The following NANP variants were observed in gnomAD, a reference collection of about 807,000 sequenced individuals.
NANP encodes N-acylneuraminate-9-phosphatase.
In NANP, 15 loss-of-function variants were observed where a neutral mutation model predicts 16.9. The observed-to-expected ratio is 0.89, with a 90% CI of 0.59 to 1.37. The LOEUF is 1.37. NANP is among the 40% of genes most tolerant of loss of function. NANP has a pLI of 0.00. For missense variants in NANP, 290 were observed against 303.5 expected, an observed-to-expected ratio of 0.96 and a Z score of 0.33; for synonymous variants, 135 against 112.6, an observed-to-expected ratio of 1.20 and a Z score of -1.26.
At chr20:25,616,664 TGA>T (rs2065345342) in intron 1 of NANP, 83 bp from the exon 2 acceptor site, 4 of 1,112,650 alleles carry the variant, frequency 3.6e-6, no homozygotes, top group Non-Finnish European at 5.0e-6. Context: ...TACAAGTGGC[TGA>T]GAGAGTCCAA....
intron 1 of NANP, among the ~76,000 whole-genome samples, chr20:25,618,701 G>A (rs533064926): frequency 6.0e-4 from 91 of 152,208 alleles, no homozygotes; most frequent in Non-Finnish European, 9.1e-4. Flanking sequence ...AGAAACTGGC[G>A]AATAAATATC....
In NANP at chr20:25,615,809, A is replaced by G; in HGVS notation, c.*116T>C. 9.3e-7 allele frequency: 1 copy of G among 1,077,506 alleles called. No individual in the cohort carries two copies. Among genetic ancestry groups the G allele is most frequent in the Non-Finnish European group, 1.3e-6 (1 of 759,724 alleles). The allele number at this position is 1,077,506 out of a possible 1,614,324, so 66.7% of individuals were successfully genotyped here. The stretch of plus-strand genomic sequence containing the variant: ...AGACCTTCAAAATATTGGCCATTAA[A>G]TCATAAGTAAAATTATTCTTAGAGC... On this transcript the variant is annotated 3_prime_UTR_variant, in exon 2 of 2. Coordinates refer to ENST00000304788, the MANE Select transcript of NANP (RefSeq NM_152667.3).
intron 1 of NANP, among the ~76,000 whole-genome samples, chr20:25,619,565 A>C (rs2065357292): frequency 6.6e-6 from 1 of 152,244 alleles, no homozygotes. Flanking sequence ...AAAATATACC[A>C]GCCCTAGGAA....
chr20:25,623,969 A>G lies in NANP; in HGVS notation c.-21T>C, dbSNP rs1273080126. On this transcript the variant is annotated 5_prime_UTR_variant, in exon 1 of 2. Coordinates refer to ENST00000304788, the MANE Select transcript of NANP (RefSeq NM_152667.3). ...CCCATAGCGCCGGCCGCTGGCGCGAACCGTAGCCTTGCCACCGCCGCCTGC... is the reference window on the plus strand; with the variant it reads ...CCCATAGCGCCGGCCGCTGGCGCGAGCCGTAGCCTTGCCACCGCCGCCTGC... 1.9e-6 allele frequency: 3 copies of G among 1,608,834 alleles called. No homozygotes were observed. Among genetic ancestry groups the G allele is most frequent in the African/African-American group, 1.3e-5 (1 of 74,700 alleles).
intron 1 of NANP, among the ~76,000 whole-genome samples, chr20:25,621,484 T>G (rs1294477076): frequency 6.6e-6 from 1 of 152,138 alleles, no homozygotes; most frequent in African/African-American, 2.4e-5. Flanking sequence ...ATACATACAG[T>G]CAGTATATGA....
rs759917935 is a variant in NANP at position 25,616,050 on chromosome 20, A to G, written c.622T>C (p.Trp208Arg). 1.2e-5 allele frequency: 19 copies of G among 1,614,212 alleles called. No individual in the cohort carries two copies. Among genetic ancestry groups the G allele is most frequent in the Non-Finnish European group, 1.5e-5 (18 of 1,180,032 alleles). ...GLNAGLKATV[W>R]INKNGIVPLK... ...GGCACTATTCCATTTTTATTGATCC[A>G]GACTGTTGCTTTCAATCCTGCATTG... The change falls in exon 2 of 2, where the codon TGG becomes CGG. Residue 208 changes from tryptophan (W) to arginine (R), a missense_variant. By Grantham distance (101) the Trp-to-Arg change is moderately radical. Transcript: ENST00000304788.
rs2065330592 is a variant in NANP at position 25,613,587 on chromosome 20, T to C, written c.*2338A>G. 2.1e-5 allele frequency: 8 copies of C among 386,192 alleles called. No homozygotes were observed. The highest frequency in any genetic ancestry group is 1.3e-4 in the Admixed American group (3 of 22,386). 23.9% of individuals were successfully genotyped at this position (386,192 alleles called of 1,614,324 possible). A position where few individuals can be genotyped will look rare whatever the true frequency, so the allele number is the denominator to read the frequency against. On this transcript the variant is annotated 3_prime_UTR_variant, in exon 2 of 2. Transcript: ENST00000304788. ...AAAACAAAAAATATTAATAAAATCA[T>C]AGGTTTATTCCAATATTTTAAAATA...
intron 1 of NANP, among the ~76,000 whole-genome samples, chr20:25,617,136 CTAATCT>C (rs1212198731): frequency 6.6e-6 from 1 of 152,222 alleles, no homozygotes; most frequent in African/African-American, 2.4e-5. Context: ...CTTAGTTCAT[CTAATCT>C]TTTCTCATCT....
chr20:25,616,111 G>A lies in NANP; in HGVS notation c.561C>T (p.Val187=), dbSNP rs755975268. ...LGVQPGDCVM[V]GDTLETDIQG... ...GGATGTCGGTTTCTAATGTGTCACCGACCATCACACAGTCCCCAGGTTGTA... is the reference window on the plus strand; with the variant it reads ...GGATGTCGGTTTCTAATGTGTCACCAACCATCACACAGTCCCCAGGTTGTA... Residue 187 remains valine, a synonymous_variant, in exon 2 of 2, where the codon GTC becomes GTT. Coordinates refer to ENST00000304788, the MANE Select transcript of NANP (RefSeq NM_152667.3). 8.1e-5 allele frequency: 131 copies of A among 1,613,894 alleles called. No homozygotes were observed. In the Middle Eastern group the frequency reaches 8.2e-4, roughly 10 times the overall value.
rs1317634956 is a variant in NANP at position 25,613,165 on chromosome 20, TTATA to T, written c.*2756_*2759del. 1 of 151,970 alleles carries T rather than the reference TTATA, an allele frequency of 6.6e-6. No homozygotes were observed. The highest frequency in any genetic ancestry group is 2.4e-5 in the African/African-American group (1 of 41,408). The allele number at this position is 151,970 out of a possible 1,614,324, so 9.4% of individuals were successfully genotyped here. A position where few individuals can be genotyped will look rare whatever the true frequency, so the allele number is the denominator to read the frequency against. ...TTATATACATGTGTTATATTTATAT[TTATA>T]TATAGTTACAGTGTTATCTAACACT... On this transcript the variant is annotated 3_prime_UTR_variant, in exon 2 of 2. Transcript: ENST00000304788.
chr20:25,617,051 G>T (rs2065346421), intron 1 of NANP, among the ~76,000 whole-genome samples: 1 of 152,086 alleles, frequency 6.6e-6, no homozygotes, highest in Non-Finnish European at 1.5e-5. Flanking sequence ...ACAAAAACTC[G>T]TTGTACTTAT....
At chr20:25,622,860 C>T (rs190657132) in intron 1 of NANP, among the ~76,000 whole-genome samples, 45 of 152,276 alleles carry the variant, frequency 3.0e-4, no homozygotes, top group Admixed American at 1.2e-3. Context: ...TCCGGGAAAA[C>T]ATGGCTGTCA....
At position 25,615,849 on chromosome 20, in the gene NANP, T is replaced by C; in HGVS notation, c.*76A>G. The C allele has an allele frequency of 7.4e-7, 1 of 1,343,964 alleles. No homozygotes were observed. The highest frequency in any genetic ancestry group is 1.0e-6 in the Non-Finnish European group (1 of 978,880). 83.3% of individuals were successfully genotyped at this position (1,343,964 alleles called of 1,614,324 possible). A position where few individuals can be genotyped will look rare whatever the true frequency, so the allele number is the denominator to read the frequency against. On this transcript the variant is annotated 3_prime_UTR_variant, in exon 2 of 2. Coordinates refer to ENST00000304788, the MANE Select transcript of NANP (RefSeq NM_152667.3). ...ATTCTTAGAGCTGGATTATCATAAG[T>C]GGAGTGCCCTAACTTTTCTTATTTC...
In NANP at chr20:25,613,725, C is replaced by T. The variant is rs56298259; in HGVS notation, c.*2200G>A. On this transcript the variant is annotated 3_prime_UTR_variant, in exon 2 of 2. Transcript: ENST00000304788. ...CTCTGTAGAATACAAACTGTGAAGA[C>T]AAGGAAATTTAATTATTCAATTTTT... 2.5e-6 allele frequency: 1 copy of T among 398,308 alleles called. No individual in the cohort carries two copies. The highest frequency in any genetic ancestry group is 2.1e-5 in the African/African-American group (1 of 48,610). The allele number at this position is 398,308 out of a possible 1,614,324, so 24.7% of individuals were successfully genotyped here.
Position 25,613,165 on chromosome 20 carries a change from T to G in NANP, c.*2760A>C, listed in dbSNP as rs1375466238. Reference sequence around the variant, plus strand: ...TTATATACATGTGTTATATTTATATTTATATATAGTTACAGTGTTATCTAA... The same window carrying G: ...TTATATACATGTGTTATATTTATATGTATATATAGTTACAGTGTTATCTAA... On this transcript the variant is annotated 3_prime_UTR_variant, in exon 2 of 2. Coordinates refer to ENST00000304788, the MANE Select transcript of NANP (RefSeq NM_152667.3). The G allele has an allele frequency of 5.9e-5, 9 of 151,970 alleles. No individual in the cohort carries two copies. The highest frequency in any genetic ancestry group is 5.9e-5 in the Non-Finnish European group (4 of 68,000). The allele number at this position is 151,970 out of a possible 1,614,324, so 9.4% of individuals were successfully genotyped here.
In NANP at chr20:25,614,500, T is replaced by C. The variant is rs940524770; in HGVS notation, c.*1425A>G. Reference sequence around the variant, plus strand: ...AGAAAATTCTCCGGTTCCAAGACGATGCCTTGCTATGTAGCCATTAATTAT... The same window carrying C: ...AGAAAATTCTCCGGTTCCAAGACGACGCCTTGCTATGTAGCCATTAATTAT... On this transcript the variant is annotated 3_prime_UTR_variant, in exon 2 of 2. Transcript: ENST00000304788. 6.6e-6 allele frequency: 1 copy of C among 152,196 alleles called. No individual in the cohort carries two copies. The highest frequency in any genetic ancestry group is 2.4e-5 in the African/African-American group (1 of 41,438). The allele number at this position is 152,196 out of a possible 1,614,324, so 9.4% of individuals were successfully genotyped here. A position where few individuals can be genotyped will look rare whatever the true frequency, so the allele number is the denominator to read the frequency against.
At chr20:25,622,317 C>CTA (rs1052380728) in intron 1 of NANP, among the ~76,000 whole-genome samples, 23 of 152,192 alleles carry the variant, frequency 1.5e-4, no homozygotes, top group African/African-American at 5.3e-4. Flanking sequence ...GTGGAAGGTG[C>CTA]TATAGTTCGC....
rs532118139 is a variant in NANP, at chr20:25,620,825, T to C, written c.90+3034A>G. Among the ~76,000 whole-genome samples, 157 of 138,150 alleles carry C rather than the reference T, an allele frequency of 1.1e-3. No homozygotes were observed. In the East Asian group the frequency reaches 0.013, roughly 11 times the overall value. 90.6% of individuals were successfully genotyped at this position (138,150 alleles called of 152,430 possible). On this transcript the variant is annotated intron_variant, in intron 1 of 1. Transcript: ENST00000304788. ...TTGCAGAGGGGATAGAGGCCCCCCT[T>C]TTTTTTTTTTCCATTAAATGAAGGT... is the stretch of plus-strand genomic sequence containing the variant.
At position 25,624,003 on chromosome 20, in the gene NANP, A is replaced by AGG; in HGVS notation, c.-56_-55insCC. Reference sequence around the variant, plus strand: ...TTGCCACCGCCGCCTGCGCATGCGCAAGGCGGACTGCCCAGAGAGACGTGG... The same window carrying AGG: ...TTGCCACCGCCGCCTGCGCATGCGCAGGAGGCGGACTGCCCAGAGAGACGTGG... On this transcript the variant is annotated 5_prime_UTR_variant, in exon 1 of 2. Transcript: ENST00000304788. 1 of 1,562,852 alleles carries AGG rather than the reference A, an allele frequency of 6.4e-7. No individual in the cohort carries two copies. The highest frequency in any genetic ancestry group is 1.1e-5 in the South Asian group (1 of 88,828).
Sources: gnomAD v4.1 joint callset for allele counts (sites outside exome capture counted in the v4.1 genomes callset) on GRCh38, gnomAD v4.1.1 for gene constraint, MANE v1.5 for transcripts, NCBI Gene and HGNC (gene_info 2026-07-23, HGNC 2026-07-21) for gene names.